The following GABRA3 variants were observed in gnomAD, a reference collection of about 807,000 sequenced individuals.
GABRA3 encodes the protein gamma-aminobutyric acid type A receptor subunit alpha3.
In GABRA3, 10 loss-of-function variants were observed where a neutral mutation model predicts 30.1. The ratio of observed to expected loss-of-function variants is 0.33; its 90% CI spans 0.20 to 0.56. GABRA3 has a LOEUF of 0.56. Ranked by LOEUF, GABRA3 falls within the 20% of genes least tolerant of loss-of-function variation. The pLI, the probability that GABRA3 is intolerant of heterozygous loss-of-function variation, is 0.89. For missense variants in GABRA3, 233 were observed against 392.0 expected (o/e 0.59, Z 3.42); for synonymous variants, 151 against 146.8 (o/e 1.03, Z -0.21).
chrX:152,386,228 T>C (rs1180666979), intron 1 of GABRA3, among the ~76,000 whole-genome samples: 1 of 109,085 alleles, frequency 9.2e-6, no homozygotes, highest in African/African-American at 3.3e-5. Flanking sequence ...CCCATGAGCA[T>C]GGAATGTTCT....
At chrX:152,275,141 A>G (rs1333232181) in intron 4 of GABRA3, among the ~76,000 whole-genome samples, 1 of 63,375 alleles carries the variant, frequency 1.6e-5, no homozygotes, top group Admixed American at 2.3e-4. Flanking sequence ...TATATAATAT[A>G]ATATATATAT....
At chrX:152,175,247 T>C (rs1459057942) in intron 9 of GABRA3, among the ~76,000 whole-genome samples, 16 of 102,729 alleles carry the variant, frequency 1.6e-4, no homozygotes, top group African/African-American at 6.2e-4. Context: ...TCAATAGCAA[T>C]GGATTTTTTT....
At chrX:152,201,217 C>T (rs1937479744) in intron 7 of GABRA3, among the ~76,000 whole-genome samples, 1 of 111,259 alleles carries the variant, frequency 9.0e-6, no homozygotes, top group Admixed American at 9.5e-5. Context: ...ATCTTCTTCT[C>T]TGCCAAAGAG....
intron 5 of GABRA3, among the ~76,000 whole-genome samples, chrX:152,226,115 C>T (rs1173887070): frequency 1.8e-5 from 2 of 111,555 alleles, no homozygotes; most frequent in African/African-American, 3.2e-5. Context: ...GCAAGGGATC[C>T]CATGTGTGGT....
intron 1 of GABRA3, among the ~76,000 whole-genome samples, chrX:152,439,932 C>A (rs774888525): frequency 5.4e-5 from 6 of 111,482 alleles, no homozygotes; most frequent in Non-Finnish European, 1.1e-4. Flanking sequence ...AGAAGAAAAC[C>A]TAGGCAATAC....
intron 5 of GABRA3, chrX:152,250,992 C>T (rs931265784): frequency 1.3e-5 from 3 of 225,353 alleles, no homozygotes; most frequent in South Asian, 5.2e-5. Flanking sequence ...AGAAAGTGAA[C>T]GGTTTGTGAC....
intron 3 of GABRA3, among the ~76,000 whole-genome samples, chrX:152,333,252 A>G (rs1015775493): frequency 5.4e-5 from 6 of 111,989 alleles, no homozygotes; most frequent in African/African-American, 1.9e-4. Context: ...GACGCTGAAG[A>G]GGCAGGCCAA....
chrX:152,204,179 A>G (rs938776188), intron 7 of GABRA3, among the ~76,000 whole-genome samples: 1 of 111,816 alleles, frequency 8.9e-6, no homozygotes, highest in Non-Finnish European at 1.9e-5. Flanking sequence ...TAGGGAATCA[A>G]TATTTCATCT....
Position 152,421,342 on chromosome X carries a change from C to G in GABRA3, c.-27+29804G>C, listed in dbSNP as rs749725264. Among the ~76,000 whole-genome samples the G allele has an allele frequency of 3.6e-5, 4 of 110,376 alleles. No individual in the cohort carries two copies. In the South Asian group the frequency reaches 1.6e-3, roughly 43 times the overall value. On this transcript the variant is annotated intron_variant, in intron 1 of 9. Coordinates refer to ENST00000370314, the MANE Select transcript of GABRA3 (RefSeq NM_000808.4). ...GCTGTTTCCATGAAAGTCATAGTTT[C>G]CAAGAACCTACTGATGCCATTAAGT...
intron 1 of GABRA3, among the ~76,000 whole-genome samples, chrX:152,408,012 A>G (rs1285622712): frequency 1.8e-5 from 2 of 111,765 alleles, no homozygotes; most frequent in African/African-American, 6.5e-5. Context: ...AGAGCATCCA[A>G]TAAAATTCAA....
At position 152,168,372 on chromosome X, in the gene GABRA3, C is replaced by A; in HGVS notation, c.1335G>T (p.Glu445Asp). 1 of 1,211,795 alleles carries A rather than the reference C, an allele frequency of 8.3e-7. No individual in the cohort carries two copies. Among genetic ancestry groups the A allele is most frequent in the Non-Finnish European group, 1.1e-6 (1 of 895,526 alleles). ...KATYVQDSPTETKTYNSVSKV... is the reference protein window; with the variant it reads ...KATYVQDSPTDTKTYNSVSKV... ...TGCTGACACTGTTGTAGGTCTTGGT[C>A]TCAGTCGGGCTGTCCTGCACGTAGG... The change falls in exon 10 of 10, where the codon GAG (glutamate) becomes GAT (aspartate). Residue 445 changes from glutamate to aspartate, a missense_variant. Transcript: ENST00000370314.
chrX:152,422,208 C>A (rs886965485), intron 1 of GABRA3, among the ~76,000 whole-genome samples: 1 of 111,373 alleles, frequency 9.0e-6, no homozygotes, highest in Non-Finnish European at 1.9e-5. Context: ...GAGACTACTA[C>A]ATAGCACTAA....
intron 4 of GABRA3, among the ~76,000 whole-genome samples, chrX:152,259,315 C>T (rs1179678778): frequency 3.6e-5 from 4 of 111,262 alleles, no homozygotes; most frequent in South Asian, 3.8e-4. Context: ...GGCAGCAACT[C>T]GTAGGTGATT....
chrX:152,346,917 T>C (rs1380308871), intron 2 of GABRA3, among the ~76,000 whole-genome samples: 5 of 111,701 alleles, frequency 4.5e-5, no homozygotes, highest in Non-Finnish European at 9.4e-5. Flanking sequence ...ACAACCACTA[T>C]GGAGAAGAGT....
rs989626664 is a variant in GABRA3 at position 152,193,510 on chromosome X, G to C, written c.932-3569C>G. Among the ~76,000 whole-genome samples, 6 of 111,922 alleles carry C rather than the reference G, an allele frequency of 5.4e-5. No individual in the cohort carries two copies. In the Admixed American group the frequency reaches 5.7e-4, roughly 11 times the overall value. On this transcript the variant is annotated intron_variant, in intron 8 of 9. Coordinates refer to ENST00000370314, the MANE Select transcript of GABRA3 (RefSeq NM_000808.4). ...ACTGGGATGATTTACATATAAGTCTGGGTGAGTATATGCTTTCATTTCTCT... is the reference window on the plus strand; with the variant it reads ...ACTGGGATGATTTACATATAAGTCTCGGTGAGTATATGCTTTCATTTCTCT...
chrX:152,412,397 T>C (rs1056711492), intron 1 of GABRA3, among the ~76,000 whole-genome samples: 2 of 111,595 alleles, frequency 1.8e-5, no homozygotes, highest in African/African-American at 6.5e-5. Context: ...CACTTCACAA[T>C]AGACAAAAGA....
At chrX:152,294,308 G>A (rs1045651174) in intron 3 of GABRA3, among the ~76,000 whole-genome samples, 2 of 111,050 alleles carry the variant, frequency 1.8e-5, no homozygotes, top group Non-Finnish European at 3.8e-5. Context: ...CATATTTCTT[G>A]GAGGCTCCGT....
chrX:152,325,047 C>A (rs1285431414), intron 3 of GABRA3, among the ~76,000 whole-genome samples: 1 of 111,067 alleles, frequency 9.0e-6, no homozygotes, highest in Non-Finnish European at 1.9e-5. Flanking sequence ...TTGAAAGCAT[C>A]CAGAGTATTG....
At chrX:152,362,295 C>T (rs1447992781) in intron 2 of GABRA3, among the ~76,000 whole-genome samples, 1 of 109,035 alleles carries the variant, frequency 9.2e-6, no homozygotes, top group Non-Finnish European at 1.9e-5. Flanking sequence ...GAATAAAATA[C>T]CTTGGGTAAT....
Sources: gnomAD v4.1 joint callset for allele counts (sites outside exome capture counted in the v4.1 genomes callset) on GRCh38, gnomAD v4.1.1 for gene constraint, MANE v1.5 for transcripts, NCBI Gene and HGNC (gene_info 2026-07-23, HGNC 2026-07-21) for gene names.